PPP6R2: variants seen among roughly 807,000 people sequenced by gnomAD.
The protein encoded by PPP6R2 is protein phosphatase 6 regulatory subunit 2.
In PPP6R2, 62 loss-of-function variants were observed where a neutral mutation model predicts 100.2. That is an observed-to-expected ratio of 0.62 (90% CI 0.50 to 0.76). PPP6R2 has a LOEUF of 0.76. Among genes scored for constraint, PPP6R2 ranks in the 30% least tolerant of loss-of-function variants. PPP6R2 has a pLI of 0.00. For missense variants in PPP6R2, 1,142 were observed against 1,276.3 expected (o/e 0.89, Z 1.60); for synonymous variants, 525 against 514.7 (o/e 1.02, Z -0.27).
intron 2 of PPP6R2, among the ~76,000 whole-genome samples, chr22:50,380,803 CA>C (rs2052720172): frequency 6.6e-6 from 1 of 150,966 alleles, no homozygotes; most frequent in Non-Finnish European, 1.5e-5. Flanking sequence ...TCCTGGCTAA[CA>C]CAGTGAAACC....
intron 4 of PPP6R2, among the ~76,000 whole-genome samples, chr22:50,412,746 A>G (rs1349271299): frequency 7.5e-6 from 1 of 133,526 alleles, no homozygotes; most frequent in African/African-American, 2.9e-5. Context: ...GGTTCATGCT[A>G]TTCTCCTGCC....
upstream of PPP6R2, among the ~76,000 whole-genome samples, chr22:50,340,323 G>A (rs1206495069): frequency 7.7e-6 from 1 of 129,778 alleles, no homozygotes; most frequent in Non-Finnish European, 1.6e-5. Context: ...GGTGTGTGTG[G>A]TGTGTGTAGG....
the PPP6R2 span, among the ~76,000 whole-genome samples, chr22:50,331,937 AT>A: frequency 6.6e-6 from 1 of 151,308 alleles, no homozygotes; most frequent in Admixed American, 6.6e-5. Context: ...ATTTTATTTT[AT>A]TTATTTTGGA....
At position 50,418,759 on chromosome 22, in the gene PPP6R2, A is replaced by G. The variant is rs2060901491; in HGVS notation, c.619-108A>G. 7.3e-6 allele frequency: 6 copies of G among 817,008 alleles called. No individual in the cohort carries two copies. In the Middle Eastern group the frequency reaches 1.2e-3, roughly 160 times the overall value. The allele number at this position is 817,008 out of a possible 1,614,324, so 50.6% of individuals were successfully genotyped here. A position where few individuals can be genotyped will look rare whatever the true frequency, so the allele number is the denominator to read the frequency against. On this transcript the variant is annotated intron_variant, in intron 6 of 23. Transcript: ENST00000612753. ...TGGTATTGAACAACAACGAAAGTCT[A>G]GCATCTGCCAGAGAAGCAGCAGGAC...
chr22:50,436,122 T>C (rs1010313157), intron 13 of PPP6R2, among the ~76,000 whole-genome samples: 5 of 152,172 alleles, frequency 3.3e-5, no homozygotes, highest in Non-Finnish European at 5.9e-5. Flanking sequence ...GGGGCAGAAG[T>C]GCCCACCACC....
intron 2 of PPP6R2, among the ~76,000 whole-genome samples, chr22:50,380,845 C>T (rs374556793): frequency 1.3e-5 from 2 of 151,202 alleles, no homozygotes; most frequent in African/African-American, 2.4e-5. Flanking sequence ...AAAAATTAGC[C>T]GGGCGTGGTG....
In PPP6R2 at chr22:50,444,322, TC is replaced by T; in HGVS notation, c.*76del. 7 of 1,341,310 alleles carry T rather than the reference TC, an allele frequency of 5.2e-6. No homozygotes were observed. In the Admixed American group the frequency reaches 1.4e-4, roughly 27 times the overall value. 83.1% of individuals were successfully genotyped at this position (1,341,310 alleles called of 1,614,324 possible). ...TCGAGAAAACTACCTGGTGATGCAA[TC>T]TTTTTTTTTTTTAATTTAATTTAAT... is the stretch of plus-strand genomic sequence containing the variant. On this transcript the variant is annotated 3_prime_UTR_variant, in exon 24 of 24. Coordinates refer to ENST00000612753, the MANE Select transcript of PPP6R2 (RefSeq NM_001242898.2).
rs1391480960 is a variant in PPP6R2, at chr22:50,438,735, G to C, written c.2101G>C (p.Ala701Pro). 3 of 1,606,474 alleles carry C rather than the reference G, an allele frequency of 1.9e-6. No homozygotes were observed. Among genetic ancestry groups the C allele is most frequent in the Non-Finnish European group, 2.5e-6 (3 of 1,176,610 alleles). ...GAPPAPGKKE[A>P]PPVEGDSEGA... The stretch of plus-strand genomic sequence containing the variant: ...CCCACCGGCCCCCGGGAAGAAGGAA[G>C]CGCCCCCTGTGGAGGGTGACTCAGA... The change falls in exon 19 of 24, where the codon GCG (alanine) becomes CCG (proline). Residue 701 changes from alanine (A) to proline (P), a missense_variant. Ala to Pro is a conservative substitution (Grantham distance 27). Coordinates refer to ENST00000612753, the MANE Select transcript of PPP6R2 (RefSeq NM_001242898.2).
rs1189347943 is a variant in PPP6R2 at position 50,440,842 on chromosome 22, G to T, written c.2395G>T (p.Ala799Ser). 9.3e-6 allele frequency: 15 copies of T among 1,613,566 alleles called. No individual in the cohort carries two copies. In the Admixed American group the frequency reaches 2.3e-4, roughly 25 times the overall value. The change falls in exon 22 of 24, where the codon GCC becomes TCC. Residue 799 changes from alanine (A) to serine (S), a missense_variant. Transcript: ENST00000612753. Reference protein sequence around the residue: ...EKAFSPASPCAWNVCVTRKAP... With the variant: ...EKAFSPASPCSWNVCVTRKAP... Reference sequence around the variant, plus strand: ...TGCAGTCAGCCCGGCTTCTCCATGTGCCTGGAACGTGTGTGTCACCAGGAA... The same window carrying T: ...TGCAGTCAGCCCGGCTTCTCCATGTTCCTGGAACGTGTGTGTCACCAGGAA...
intron 3 of PPP6R2, among the ~76,000 whole-genome samples, chr22:50,404,747 C>T (rs150011259): frequency 2.4e-4 from 36 of 152,182 alleles, no homozygotes; most frequent in African/African-American, 8.4e-4. Context: ...CTTACCTGCA[C>T]GTTCAGATGA....
At chr22:50,381,776 C>T (rs932022948) in intron 2 of PPP6R2, among the ~76,000 whole-genome samples, 61 of 152,050 alleles carry the variant, frequency 4.0e-4, no homozygotes, top group African/African-American at 1.2e-3. Flanking sequence ...GGCACGGTGG[C>T]GGGCTCCCGT....
the PPP6R2 span, among the ~76,000 whole-genome samples, chr22:50,333,058 A>AAGCCC: frequency 6.6e-6 from 1 of 152,128 alleles, no homozygotes; most frequent in Non-Finnish European, 1.5e-5. Context: ...AGGATCACCT[A>AAGCCC]AGCCCAGGAG....
chr22:50,382,282 A>G (rs1029119960), intron 2 of PPP6R2, among the ~76,000 whole-genome samples: 3 of 152,190 alleles, frequency 2.0e-5, no homozygotes, highest in Non-Finnish European at 2.9e-5. Context: ...TTTAAAGTCA[A>G]TAATCTTTTA....
At chr22:50,403,662 C>T (rs2058395821) in intron 3 of PPP6R2, among the ~76,000 whole-genome samples, 1 of 152,224 alleles carries the variant, frequency 6.6e-6, no homozygotes, top group African/African-American at 2.4e-5. Context: ...CCCCTGTGCC[C>T]TGACCCTACT....
At position 50,444,683 on chromosome 22, in the gene PPP6R2, T is replaced by C. The variant is rs1302126836; in HGVS notation, c.*436T>C. The C allele has an allele frequency of 1.0e-5, 2 of 195,162 alleles. No individual in the cohort carries two copies. The highest frequency in any genetic ancestry group is 6.0e-5 in the Admixed American group (1 of 16,598). 12.1% of individuals were successfully genotyped at this position (195,162 alleles called of 1,614,324 possible). ...AGGAGCCAAGCTTTTTTGCACTTTG[T>C]ATCCAGCTGCAAGCTCAGGGCAGAG... On this transcript the variant is annotated 3_prime_UTR_variant, in exon 24 of 24. Transcript: ENST00000612753.
chr22:50,337,671 T>TA, the PPP6R2 span, among the ~76,000 whole-genome samples: 1 of 144,330 alleles, frequency 6.9e-6, no homozygotes, highest in South Asian at 2.2e-4. Flanking sequence ...GTGTGGTGTG[T>TA]GTGTGTGTGC....
At chr22:50,366,414 C>T (rs1261689868) in intron 1 of PPP6R2, among the ~76,000 whole-genome samples, 1 of 151,652 alleles carries the variant, frequency 6.6e-6, no homozygotes, top group Non-Finnish European at 1.5e-5. Context: ...AGCAGTTCTC[C>T]TTCCTCAGCC....
At chr22:50,373,797 G>A (rs553137302) in intron 2 of PPP6R2, among the ~76,000 whole-genome samples, 1 of 151,942 alleles carries the variant, frequency 6.6e-6, no homozygotes, top group South Asian at 2.1e-4. Context: ...GCAATGGCAT[G>A]ACCTTGACTC....
At chr22:50,334,332 C>A in the PPP6R2 span, among the ~76,000 whole-genome samples, 14 of 152,268 alleles carry the variant, frequency 9.2e-5, no homozygotes, top group Admixed American at 1.3e-4. Flanking sequence ...GACAGAGGCT[C>A]ACCCTCTTGT....
Sources: allele counts gnomAD v4.1 joint callset (sites outside exome capture counted in the v4.1 genomes callset), GRCh38; gene constraint gnomAD v4.1.1; transcripts MANE v1.5; gene names NCBI Gene and HGNC (gene_info 2026-07-23, HGNC 2026-07-21).